PPP1R12C: variants seen among roughly 807,000 people sequenced by gnomAD.
The protein encoded by PPP1R12C is protein phosphatase 1 regulatory subunit 12C.
In PPP1R12C, 48 loss-of-function variants were observed where a neutral mutation model predicts 95.6. That is an observed-to-expected ratio of 0.50 (90% CI 0.40 to 0.64). The LOEUF is 0.64. PPP1R12C is among the 30% of genes least tolerant of loss of function. The pLI, the probability that PPP1R12C is intolerant of heterozygous loss-of-function variation, is 0.00. For synonymous variants in PPP1R12C, 480 were observed against 460.8 expected (o/e 1.04, Z -0.53); for missense variants, 1,057 against 1,083.3 (o/e 0.98, Z 0.34).
At position 55,117,323 on chromosome 19, in the gene PPP1R12C, G is replaced by A; in HGVS notation, c.221C>T (p.Ala74Val). The part of the protein sequence containing the change: ...LDEARLMLRA[A>V]DPGPGAELDP... ...GAGCTCGGCGCCGGGGCCAGGGTCG[G>A]CGGCGCGCAGCATCAGACGCGCCTC... Residue 74 changes from alanine to valine, a missense_variant, in exon 1 of 22, where the codon GCC becomes GTC. This residue lies in a region of PPP1R12C where 282 missense variants were observed against 380.4 expected (regional missense o/e 0.74). Transcript: ENST00000263433. The A allele has an allele frequency of 8.5e-7, 1 of 1,179,228 alleles. No homozygotes were observed. The highest frequency in any genetic ancestry group is 1.0e-6 in the Non-Finnish European group (1 of 955,662). The allele number at this position is 1,179,228 out of a possible 1,614,324, so 73.0% of individuals were successfully genotyped here. A position where few individuals can be genotyped will look rare whatever the true frequency, so the allele number is the denominator to read the frequency against.
At chr19:55,101,017 G>A (rs529488318) in intron 4 of PPP1R12C, among the ~76,000 whole-genome samples, 1 of 152,270 alleles carries the variant, frequency 6.6e-6, no homozygotes, top group Admixed American at 6.5e-5. Flanking sequence ...GGGAGGCTGA[G>A]GCGGGCAGAT....
At position 55,092,296 on chromosome 19, in the gene PPP1R12C, G is replaced by A. The variant is rs1306036735; in HGVS notation, c.2086C>T (p.Arg696Trp). 3.1e-6 allele frequency: 5 copies of A among 1,600,802 alleles called. No individual in the cohort carries two copies. The highest frequency in any genetic ancestry group is 4.3e-6 in the Non-Finnish European group (5 of 1,173,956). The change falls in exon 19 of 22, where the codon CGG (arginine) becomes TGG (tryptophan). Residue 696 changes from arginine to tryptophan, a missense_variant. By Grantham distance (101) the Arg-to-Trp change is moderately radical (BLOSUM62 -3). Transcript: ENST00000263433. ...LYAELRRENE[R>W]LREALTETTL... ...GTCTCGGTCAGGGCCTCGCGAAGCC[G>A]CTCGTTCTCCCTGCGCAGCTCTGCA...
intron 19 of PPP1R12C, 29 bp from the exon 20 acceptor site, chr19:55,091,938 C>T (rs2084846620): frequency 2.5e-6 from 4 of 1,612,372 alleles, no homozygotes; most frequent in Non-Finnish European, 3.4e-6. Flanking sequence ...GCACAGGGGT[C>T]AGCAGAAGAA....
At chr19:55,092,962 A>C in intron 15 of PPP1R12C, 54 bp downstream of exon 15, 1 of 1,569,108 alleles carries the variant, frequency 6.4e-7, no homozygotes, top group South Asian at 1.2e-5. Flanking sequence ...CAAGAAGACT[A>C]TGGGAGAAAC....
In PPP1R12C at chr19:55,092,642, A is replaced by T; in HGVS notation, c.1932T>A (p.Ala644=). The change falls in exon 17 of 22, where the codon GCT becomes GCA. Residue 644 remains alanine, a synonymous_variant. Coordinates refer to ENST00000263433, the MANE Select transcript of PPP1R12C (RefSeq NM_017607.4). ...GPAEGEEAEP[A]DRSQESSTLE... is the part of the protein sequence containing the mutation. ...CCTACCTGGACTCCTGGCTGCGGTC[A>T]GCCGGCTCCGCCTCCTCCCCCTGTG... 6.5e-7 allele frequency: 1 copy of T among 1,530,396 alleles called. No homozygotes were observed. The highest frequency in any genetic ancestry group is 8.8e-7 in the Non-Finnish European group (1 of 1,141,360). The allele number at this position is 1,530,396 out of a possible 1,614,324, so 94.8% of individuals were successfully genotyped here.
At position 55,096,081 on chromosome 19, in the gene PPP1R12C, C is replaced by T. The variant is rs991338054; in HGVS notation, c.1123G>A (p.Asp375Asn). 6.2e-7 allele frequency: 1 copy of T among 1,607,810 alleles called. No homozygotes were observed. The highest frequency in any genetic ancestry group is 8.5e-7 in the Non-Finnish European group (1 of 1,177,892). Residue 375 changes from aspartate (D) to asparagine (N), a missense_variant, in exon 8 of 22, where the codon GAC becomes AAC. Around this residue, in one of 5 missense-constraint regions of PPP1R12C, gnomAD observed 356 missense variants for 330.5 expected, o/e 1.08. Transcript: ENST00000263433. ...GGACCTTCTTCCCCCTCATCCTCGTCCTGGATGGGGGGCCCCCCAGCCCCA... is the reference window on the plus strand; with the variant it reads ...GGACCTTCTTCCCCCTCATCCTCGTTCTGGATGGGGGGCCCCCCAGCCCCA... Reference protein sequence around the residue: ...PGGAGGPPIQDEDEGEEGPTE... With the variant: ...PGGAGGPPIQNEDEGEEGPTE...
chr19:55,112,254 G>C (rs917285705), intron 3 of PPP1R12C: 1 of 292,522 alleles, frequency 3.4e-6, no homozygotes, highest in Non-Finnish European at 6.3e-6. Flanking sequence ...GTAGGGGTTT[G>C]AGTTCTCATC....
intron 6 of PPP1R12C, among the ~76,000 whole-genome samples, chr19:55,097,531 ACC>A (rs2084933745): frequency 1.1e-4 from 2 of 18,770 alleles, no homozygotes; most frequent in African/African-American, 2.5e-4. Flanking sequence ...TTCGCAGTTC[ACC>A]ACCGTCTTCG....
In PPP1R12C at chr19:55,109,167, C is replaced by T. The variant is rs370280822; in HGVS notation, c.571+3300G>A. 2.8e-4 allele frequency among the ~76,000 whole-genome samples: 43 copies of T among 152,260 alleles called. No individual in the cohort carries two copies. Among genetic ancestry groups the T allele is most frequent in the African/African-American group, 9.4e-4 (39 of 41,548 alleles). On this transcript the variant is annotated intron_variant, in intron 3 of 21. Transcript: ENST00000263433. This position sits in a 1 kb window ranked among gnomAD's most constrained non-coding sequence, Gnocchi z 4.4. ...GGTCTTGCCCCCAGGCTGGAGTGAC[C>T]GTGGTTCACTGCATCTTCCACCTCC... is the stretch of plus-strand genomic sequence containing the variant.
chr19:55,098,805 T>A lies in PPP1R12C; in HGVS notation c.930A>T (p.Glu310Asp). ...TCACGTCCTCCTGTTTCCGGGCCAG[T>A]TCCTCCAACAGGCTCAGTACTTCCT... ...ADEEVLSLLE[E>D]LARKQEDLRN... The change falls in exon 6 of 22, where the codon GAA becomes GAT. Residue 310 changes from glutamate (E) to aspartate (D), a missense_variant. By Grantham distance (45) the Glu-to-Asp change is conservative. Transcript: ENST00000263433. The A allele has an allele frequency of 6.2e-7, 1 of 1,613,484 alleles. No homozygotes were observed.
chr19:55,096,816 CCGCG>C (rs375061961), intron 6 of PPP1R12C: 1 of 246,140 alleles, frequency 4.1e-6, no homozygotes, highest in Non-Finnish European at 7.7e-6. Flanking sequence ...CACCCCTTCC[CCGCG>C]CAGTTCACCA....
chr19:55,094,554 A>C (rs2084887382), intron 12 of PPP1R12C, 107 bp downstream of exon 12: 1 of 1,553,758 alleles, frequency 6.4e-7, no homozygotes, highest in African/African-American at 1.4e-5. Flanking sequence ...AGCAGACCTG[A>C]GGCCAGCTCT....
Position 55,094,374 on chromosome 19 carries a change from G to C in PPP1R12C, c.1654C>G (p.Leu552Val). Residue 552 changes from leucine (L) to valine (V), a missense_variant, in exon 13 of 22, where the codon CTC (leucine) becomes GTC (valine). Around this residue, in one of 5 missense-constraint regions of PPP1R12C, gnomAD observed 2 missense variants for 16.7 expected, o/e 0.12. Transcript: ENST00000263433. ...GTGGACCTCCGAGACTGGCGCATGAGACGGGAGCGAGCTTTTCTCTGGGAT... is the reference window on the plus strand; with the variant it reads ...GTGGACCTCCGAGACTGGCGCATGACACGGGAGCGAGCTTTTCTCTGGGAT... ...SESQRKARSR[L>V]MRQSRRSTQG... The C allele has an allele frequency of 1.2e-6, 2 of 1,613,168 alleles. No homozygotes were observed. Among genetic ancestry groups the C allele is most frequent in the Non-Finnish European group, 1.7e-6 (2 of 1,180,002 alleles).
At chr19:55,105,224 C>T (rs1170130385) in intron 3 of PPP1R12C, among the ~76,000 whole-genome samples, 1 of 152,130 alleles carries the variant, frequency 6.6e-6, no homozygotes, top group Non-Finnish European at 1.5e-5. Flanking sequence ...CTGGCTGTGT[C>T]ATTTCTTTAA....
Position 55,096,247 on chromosome 19 carries a change from C to T in PPP1R12C, c.1025+15G>A, listed in dbSNP as rs750125290. 10 of 1,613,768 alleles carry T rather than the reference C, an allele frequency of 6.2e-6. No individual in the cohort carries two copies. In the African/African-American group the frequency reaches 1.3e-4, roughly 22 times the overall value. ...CCAGCCACCCCGCCAGCCCTGGACT[C>T]CTCCCTCCCTATACCTTCTGTGTTT... On this transcript the variant is annotated intron_variant, in intron 7 of 21. Coordinates refer to ENST00000263433, the MANE Select transcript of PPP1R12C (RefSeq NM_017607.4).
chr19:55,112,178 A>ACCCCCCCCCCCCCC (rs59876929), intron 3 of PPP1R12C: 1 of 131,600 alleles, frequency 7.6e-6, no homozygotes, highest in African/African-American at 3.0e-5. Flanking sequence ...GAGTCCCTCC[A>ACCCCCCCCCCCCCC]CCCACCCACC....
chr19:55,092,286 T>G lies in PPP1R12C; in HGVS notation c.2096A>C (p.Glu699Ala). 1 of 1,600,612 alleles carries G rather than the reference T, an allele frequency of 6.2e-7. No individual in the cohort carries two copies. Among genetic ancestry groups the G allele is most frequent in the Non-Finnish European group, 8.5e-7 (1 of 1,174,034 alleles). The change falls in exon 19 of 22, where the codon GAG becomes GCG. Residue 699 changes from glutamate (E) to alanine (A), a missense_variant. Glu to Ala is a moderately radical substitution (Grantham distance 107, BLOSUM62 -1). This residue lies in a region of PPP1R12C where 347 missense variants were observed against 307.9 expected (regional missense o/e 1.13). Transcript: ENST00000263433. ...ELRRENERLREALTETTLRLA... is the reference protein window; with the variant it reads ...ELRRENERLRAALTETTLRLA... ...CCGCAGCGTGGTCTCGGTCAGGGCC[T>G]CGCGAAGCCGCTCGTTCTCCCTGCG...
chr19:55,098,474 G>A (rs927858680), intron 6 of PPP1R12C, among the ~76,000 whole-genome samples: 2 of 152,234 alleles, frequency 1.3e-5, no homozygotes, highest in African/African-American at 2.4e-5. Flanking sequence ...GCACATGGCT[G>A]CTGCCAAGGG....
Position 55,109,036 on chromosome 19 carries a change from C to T in PPP1R12C, c.571+3431G>A, listed in dbSNP as rs1407961714. On this transcript the variant is annotated intron_variant, in intron 3 of 21. Coordinates refer to ENST00000263433, the MANE Select transcript of PPP1R12C (RefSeq NM_017607.4). This position sits in a 1 kb window ranked among gnomAD's most constrained non-coding sequence, Gnocchi z 4.4. ...GCCACATGTTGATTTTCCATTCATT[C>T]GATGATGGGCACTAGGTTGCTCCTA... 6.6e-6 allele frequency among the ~76,000 whole-genome samples: 1 copy of T among 152,108 alleles called. No homozygotes were observed. Among genetic ancestry groups the T allele is most frequent in the East Asian group, 1.9e-4 (1 of 5,192 alleles).
Sources: allele counts gnomAD v4.1 joint callset (sites outside exome capture counted in the v4.1 genomes callset), GRCh38; gene constraint gnomAD v4.1.1; regional missense constraint gnomAD v4.1.1; non-coding constraint Gnocchi (gnomAD v3.1); transcripts MANE v1.5; gene names NCBI Gene and HGNC (gene_info 2026-07-23, HGNC 2026-07-21).